Variants in GABRA2 observed in about 807,000 individuals in gnomAD.
GABRA2 encodes the protein gamma-aminobutyric acid type A receptor subunit alpha2.
A neutral mutation model predicts 48.7 loss-of-function variants in GABRA2; 16 were observed. That is an observed-to-expected ratio of 0.33 (90% confidence interval 0.22 to 0.50). The LOEUF is 0.50. GABRA2 is among the 20% of genes least tolerant of loss of function. GABRA2 has a pLI of 0.98. For missense variants in GABRA2, 275 were observed against 535.6 expected, an observed-to-expected ratio of 0.51 and a Z score of 4.80; for synonymous variants, 185 against 184.5, an observed-to-expected ratio of 1.00 and a Z score of -0.02.
At position 46,389,723 on chromosome 4, in the gene GABRA2, G is replaced by A. The variant is rs1028028610; in HGVS notation, c.-11+12C>T. ...AAAGTGTCTCTATCGGGACCAACGT[G>A]TGCGACCCTACCTGAAACGGCAAGC... On this transcript the variant is annotated intron_variant, in intron 1 of 9. Transcript: ENST00000381620. 3.7e-5 allele frequency: 36 copies of A among 983,398 alleles called. No individual in the cohort carries two copies. The highest frequency in any genetic ancestry group is 4.2e-5 in the Non-Finnish European group (35 of 829,502). The allele number at this position is 983,398 out of a possible 1,614,324, so 60.9% of individuals were successfully genotyped here.
In GABRA2 at chr4:46,293,324, C is replaced by T. The variant is rs142917963; in HGVS notation, c.856+10136G>A. Among the ~76,000 whole-genome samples, 144 of 152,258 alleles carry T rather than the reference C, an allele frequency of 9.5e-4. 1 individual carries two copies. In the Middle Eastern group the frequency reaches 0.017, roughly 18 times the overall value. On this transcript the variant is annotated intron_variant, in intron 8 of 9. Transcript: ENST00000381620. ...TTGAGAAGGGACCCCACCACACTAC[C>T]GACAATTCATGCCATTAATCTTTCT... is the stretch of plus-strand genomic sequence containing the variant.
At chr4:46,308,441 T>G (rs2109663502) in intron 6 of GABRA2, among the ~76,000 whole-genome samples, 1 of 152,250 alleles carries the variant, frequency 6.6e-6, no homozygotes, top group Non-Finnish European at 1.5e-5. Context: ...GAAGAAAAAG[T>G]CACAGCTGTT....
rs565639194 is a variant in GABRA2 at position 46,277,036 on chromosome 4, T to G, written c.857-14908A>C. Reference sequence around the variant, plus strand: ...ATCACCAAAAAACAATTGCATATACTTTTAATTCCCCCCTATGTCCTTACT... The same window carrying G: ...ATCACCAAAAAACAATTGCATATACGTTTAATTCCCCCCTATGTCCTTACT... On this transcript the variant is annotated intron_variant, in intron 8 of 9. Transcript: ENST00000381620. Among the ~76,000 whole-genome samples the G allele has an allele frequency of 7.2e-5, 11 of 152,260 alleles. No homozygotes were observed. The South Asian group carries it at 2.1e-3, about 29-fold the overall frequency.
At chr4:46,287,397 T>C (rs552425694) in intron 8 of GABRA2, among the ~76,000 whole-genome samples, 1 of 151,878 alleles carries the variant, frequency 6.6e-6, no homozygotes, top group Non-Finnish European at 1.5e-5. Context: ...CAACAATGAT[T>C]GACTGGATTA....
At chr4:46,281,348 A>C (rs114623641) in intron 8 of GABRA2, among the ~76,000 whole-genome samples, 1,881 of 152,268 alleles carry the variant, frequency 0.012, 45 homozygotes, top group African/African-American at 0.043. Flanking sequence ...GCTGAGATAA[A>C]TAAAGTAGAG....
chr4:46,346,775 G>A (rs968585233), intron 3 of GABRA2, among the ~76,000 whole-genome samples: 22 of 151,578 alleles, frequency 1.5e-4, no homozygotes, highest in African/African-American at 4.8e-4. Context: ...CAACAGTACT[G>A]GAAGTCCTAA....
chr4:46,342,533 A>C (rs1578114445), intron 3 of GABRA2, among the ~76,000 whole-genome samples: 1 of 152,036 alleles, frequency 6.6e-6, no homozygotes, highest in Non-Finnish European at 1.5e-5. Context: ...GCCCTCACTA[A>C]CTGCTGCCTC....
chr4:46,330,108 T>A (rs1392932946), intron 4 of GABRA2, among the ~76,000 whole-genome samples: 1 of 152,078 alleles, frequency 6.6e-6, no homozygotes, highest in Non-Finnish European at 1.5e-5. Flanking sequence ...GTAAGTGGTT[T>A]TTTATTTAAA....
At chr4:46,364,936 C>A (rs1275140093) in intron 3 of GABRA2, 1 of 152,164 alleles carries the variant, frequency 6.6e-6, no homozygotes, top group East Asian at 1.9e-4. Context: ...ATTCTATCTC[C>A]TACTCATTTC....
At chr4:46,306,016 A>G (rs1726627875) in intron 6 of GABRA2, among the ~76,000 whole-genome samples, 2 of 152,168 alleles carry the variant, frequency 1.3e-5, no homozygotes, top group Admixed American at 1.3e-4. Context: ...CATCTCCTTT[A>G]GGCCAAAGGT....
At chr4:46,265,220 GA>G (rs1428640901) in intron 8 of GABRA2, among the ~76,000 whole-genome samples, 1 of 149,228 alleles carries the variant, frequency 6.7e-6, no homozygotes, top group Non-Finnish European at 1.5e-5. Context: ...ATTTTTAGTA[GA>G]GACAGGGTTT....
intron 3 of GABRA2, among the ~76,000 whole-genome samples, chr4:46,334,827 G>A (rs1731934777): frequency 6.6e-6 from 1 of 152,154 alleles, no homozygotes; most frequent in South Asian, 2.1e-4. Flanking sequence ...GCTAAATAAT[G>A]TATGCACTGG....
intron 8 of GABRA2, among the ~76,000 whole-genome samples, chr4:46,267,466 A>C (rs1718483644): frequency 1.3e-5 from 2 of 151,954 alleles, no homozygotes; most frequent in African/African-American, 4.8e-5. Context: ...CCTCAGGTAG[A>C]ATTTCTAATG....
intron 3 of GABRA2, among the ~76,000 whole-genome samples, chr4:46,378,363 A>G (rs1318431963): frequency 6.6e-6 from 1 of 151,982 alleles, no homozygotes; most frequent in East Asian, 1.9e-4. Flanking sequence ...CCTTACCCCC[A>G]ACCCTGTGCT....
At chr4:46,375,603 C>T (rs1715578599) in intron 3 of GABRA2, among the ~76,000 whole-genome samples, 1 of 152,192 alleles carries the variant, frequency 6.6e-6, no homozygotes, top group Non-Finnish European at 1.5e-5. Context: ...GAGCCTTACA[C>T]TCTTCTGTAG....
At chr4:46,353,386 C>T (rs1162797923) in intron 3 of GABRA2, among the ~76,000 whole-genome samples, 1 of 152,120 alleles carries the variant, frequency 6.6e-6, no homozygotes, top group Non-Finnish European at 1.5e-5. Flanking sequence ...CCACTGCAAA[C>T]AGACTGGGTC....
At chr4:46,371,508 C>A (rs1306844659) in intron 3 of GABRA2, among the ~76,000 whole-genome samples, 1 of 152,024 alleles carries the variant, frequency 6.6e-6, no homozygotes, top group Non-Finnish European at 1.5e-5. Flanking sequence ...GTATCCAATA[C>A]ATTTTTTTAT....
Position 46,344,131 on chromosome 4 carries a change from G to A in GABRA2, c.188-11449C>T, listed in dbSNP as rs552613646. 3.9e-5 allele frequency among the ~76,000 whole-genome samples: 6 copies of A among 152,016 alleles called. No individual in the cohort carries two copies. In the South Asian group the frequency reaches 1.0e-3, roughly 26 times the overall value. ...TACACACCAAGAAATAAAAAAGGAC[G>A]CAGTCCCAACATTTAAACAATTTAT... On this transcript the variant is annotated intron_variant, in intron 3 of 9. Coordinates refer to ENST00000381620, the MANE Select transcript of GABRA2 (RefSeq NM_000807.4).
At chr4:46,268,830 A>ATAT (rs1299344596) in intron 8 of GABRA2, among the ~76,000 whole-genome samples, 13 of 151,938 alleles carry the variant, frequency 8.6e-5, no homozygotes, top group Non-Finnish European at 8.8e-5. Flanking sequence ...AATGTGGTAT[A>ATAT]TATGTACAAT....
Sources: gnomAD v4.1 joint callset for allele counts (sites outside exome capture counted in the v4.1 genomes callset) on GRCh38, gnomAD v4.1.1 for gene constraint, MANE v1.5 for transcripts, NCBI Gene and HGNC (gene_info 2026-07-23, HGNC 2026-07-21) for gene names.